Variants in SOX5 observed in about 807,000 individuals in gnomAD.
SOX5 encodes transcription factor SOX-5.
SOX5 carries 9 observed loss-of-function variants against 92.0 expected under a neutral mutation model. The observed-to-expected ratio is 0.10, with a 90% CI of 0.06 to 0.17. The LOEUF (loss-of-function observed/expected upper bound fraction) is 0.17. SOX5 is among the 10% of genes least tolerant of loss of function. The pLI is 1.00. For synonymous variants in SOX5, 344 were observed against 336.3 expected (o/e 1.02, Z -0.25); for missense variants, 642 against 944.5 (o/e 0.68, Z 4.20).
chr12:24,064,756 C>T (rs1251953595), intron 4 of SOX5, among the ~76,000 whole-genome samples: 1 of 152,098 alleles, frequency 6.6e-6, no homozygotes, highest in African/African-American at 2.4e-5. Flanking sequence ...AAAAATATTT[C>T]TTGAACAGAA....
chr12:23,568,298 C>T (rs1947512625), intron 10 of SOX5, among the ~76,000 whole-genome samples: 1 of 152,140 alleles, frequency 6.6e-6, no homozygotes, highest in Admixed American at 6.5e-5. Flanking sequence ...GGAACCCACC[C>T]TGCTGACACC....
At chr12:24,537,715 C>T (rs1951761655) in intron 1 of SOX5, among the ~76,000 whole-genome samples, 3 of 152,194 alleles carry the variant, frequency 2.0e-5, no homozygotes, top group South Asian at 4.1e-4. Flanking sequence ...CATTCAAATA[C>T]TCAACGCCAT....
At chr12:24,186,040 A>G (rs771657030) in intron 4 of SOX5, among the ~76,000 whole-genome samples, 1 of 152,172 alleles carries the variant, frequency 6.6e-6, no homozygotes, top group Non-Finnish European at 1.5e-5. Context: ...TTACTGGGGC[A>G]TAGAGTAGGG....
intron 2 of SOX5, among the ~76,000 whole-genome samples, chr12:24,367,784 C>A (rs968907860): frequency 8.5e-5 from 13 of 152,200 alleles, no homozygotes; most frequent in African/African-American, 3.1e-4. Context: ...CCAAATACAT[C>A]CTTGTTAGAG....
intron 4 of SOX5, among the ~76,000 whole-genome samples, chr12:24,094,049 C>T (rs1172282457): frequency 9.2e-5 from 14 of 152,010 alleles, no homozygotes; most frequent in African/African-American, 1.9e-4. Context: ...CGGGTTCAAG[C>T]GATTCTCCCG....
chr12:23,896,359 G>A (rs927349615), intron 1 of SOX5, among the ~76,000 whole-genome samples: 1 of 152,154 alleles, frequency 6.6e-6, no homozygotes, highest in African/African-American at 2.4e-5. Flanking sequence ...TTTACACTCT[G>A]ATAGACCTTA....
chr12:24,082,644 G>A (rs1943502261), intron 4 of SOX5, among the ~76,000 whole-genome samples: 1 of 151,656 alleles, frequency 6.6e-6, no homozygotes, highest in African/African-American at 2.4e-5. Flanking sequence ...GCTGCACAGA[G>A]ACTTGTTTCT....
At chr12:23,638,087 A>G (rs73279911) in intron 8 of SOX5, 7,251 of 152,168 alleles carry the variant, frequency 0.048, 359 homozygotes, top group African/African-American at 0.12. Flanking sequence ...AAAAAAGAGT[A>G]GGAAGCATAG....
chr12:24,119,613 A>G (rs1039548182), intron 4 of SOX5, among the ~76,000 whole-genome samples: 3 of 152,102 alleles, frequency 2.0e-5, no homozygotes, highest in Admixed American at 6.5e-5. Context: ...AATATTAAAA[A>G]TAAATAAATT....
At chr12:23,762,848 T>C (rs1284460979) in intron 3 of SOX5, among the ~76,000 whole-genome samples, 1 of 152,140 alleles carries the variant, frequency 6.6e-6, no homozygotes, top group Admixed American at 6.5e-5. Flanking sequence ...ACCTTAGGTT[T>C]ACTCCTCACA....
chr12:24,088,660 A>G (rs1944294800), intron 4 of SOX5, among the ~76,000 whole-genome samples: 1 of 151,682 alleles, frequency 6.6e-6, no homozygotes, highest in East Asian at 1.9e-4. Context: ...AATCACTACC[A>G]TTTCCGAGTA....
At chr12:24,550,078 G>A (rs960195783) in intron 1 of SOX5, among the ~76,000 whole-genome samples, 4 of 152,192 alleles carry the variant, frequency 2.6e-5, no homozygotes, top group Admixed American at 6.5e-5. Context: ...CAGCTATGCC[G>A]TTTGCTAGCT....
At chr12:24,392,644 T>A (rs998546505) in intron 1 of SOX5, among the ~76,000 whole-genome samples, 2 of 152,080 alleles carry the variant, frequency 1.3e-5, no homozygotes, top group African/African-American at 4.8e-5. Flanking sequence ...TTAATCGCTA[T>A]CTTCACCTAT....
intron 4 of SOX5, among the ~76,000 whole-genome samples, chr12:24,070,069 C>CT (rs1941518947): frequency 6.6e-6 from 1 of 152,122 alleles, no homozygotes; most frequent in Non-Finnish European, 1.5e-5. Context: ...TCACACAGCC[C>CT]GTCTTTGTCC....
At chr12:24,522,511 TA>T (rs2138506272) in intron 1 of SOX5, among the ~76,000 whole-genome samples, 1 of 152,096 alleles carries the variant, frequency 6.6e-6, no homozygotes, top group Non-Finnish European at 1.5e-5. Context: ...TGAATACAGA[TA>T]CAAAAATCCT....
chr12:24,169,598 T>C (rs1953834098), intron 4 of SOX5, among the ~76,000 whole-genome samples: 1 of 152,236 alleles, frequency 6.6e-6, no homozygotes, highest in Non-Finnish European at 1.5e-5. Flanking sequence ...CGTTCATTCA[T>C]CCAACATGTA....
chr12:23,534,704 C>CTTTTTTTTT (rs60460683), intron 14 of SOX5, among the ~76,000 whole-genome samples, 182 bp from the exon 15 acceptor site: 25 of 108,818 alleles, frequency 2.3e-4, no homozygotes, highest in Non-Finnish European at 3.1e-4. Context: ...CTTTTCTTTT[C>CTTTTTTTTT]TTTTTTTTTT....
chr12:23,741,516 A>G (rs1238747186), intron 4 of SOX5, among the ~76,000 whole-genome samples: 6 of 152,150 alleles, frequency 3.9e-5, no homozygotes, highest in African/African-American at 1.2e-4. Flanking sequence ...CAAAGACACA[A>G]AAAACTAATA....
intron 3 of SOX5, among the ~76,000 whole-genome samples, chr12:23,810,038 T>A (rs1006066016): frequency 6.6e-6 from 1 of 152,148 alleles, no homozygotes; most frequent in Non-Finnish European, 1.5e-5. Context: ...AACATCCTAC[T>A]GAGTATTTTC....
Sources: allele counts gnomAD v4.1 joint callset (sites outside exome capture counted in the v4.1 genomes callset), GRCh38; gene constraint gnomAD v4.1.1; transcripts MANE v1.5; gene names NCBI Gene and HGNC (gene_info 2026-07-23, HGNC 2026-07-21).